The following CES4A variants were observed in gnomAD, a reference collection of about 807,000 sequenced individuals.
CES4A encodes the protein carboxylesterase 6.
CES4A carries 48 observed loss-of-function variants against 65.4 expected under a neutral mutation model. The ratio of observed to expected loss-of-function variants is 0.73; its 90% CI spans 0.58 to 0.93. CES4A has a LOEUF of 0.93. CES4A is among the 40% of genes least tolerant of loss of function. The probability of loss-of-function intolerance (pLI) is 0.00; values close to 1 mark genes in which losing one functional copy is unlikely to be tolerated. For missense variants in CES4A, 685 were observed against 728.5 expected, an observed-to-expected ratio of 0.94 and a Z score of 0.69; for synonymous variants, 247 against 281.8, an observed-to-expected ratio of 0.88 and a Z score of 1.24.
In CES4A at chr16:67,004,074, T is replaced by C; in HGVS notation, c.940-10T>C. The C allele has an allele frequency of 3.1e-6, 5 of 1,613,756 alleles. No individual in the cohort carries two copies. Among genetic ancestry groups the C allele is most frequent in the Non-Finnish European group, 4.2e-6 (5 of 1,179,926 alleles). Reference sequence around the variant, plus strand: ...GAGGAGACTGGCTGGAAATGCCCTTTGCCTTGTAGATTATCTGGTCCATGA... The same window carrying C: ...GAGGAGACTGGCTGGAAATGCCCTTCGCCTTGTAGATTATCTGGTCCATGA... On this transcript the variant is annotated splice_polypyrimidine_tract_variant and intron_variant, in intron 8 of 13. Transcript: ENST00000648724.
At chr16:66,992,887 T>A (rs1487705839) in intron 1 of CES4A, among the ~76,000 whole-genome samples, 1 of 152,110 alleles carries the variant, frequency 6.6e-6, no homozygotes, top group Non-Finnish European at 1.5e-5. Context: ...GGTTTCACCA[T>A]GTTGGCCAGA....
intron 2 of CES4A, among the ~76,000 whole-genome samples, chr16:66,997,955 ACAC>A (rs1964987645): frequency 2.3e-4 from 2 of 8,716 alleles, no homozygotes; most frequent in Admixed American, 1.9e-3. Context: ...TAAAACACAC[ACAC>A]ACACACACAC....
Position 67,000,971 on chromosome 16 carries a change from G to C in CES4A, c.517G>C (p.Gly173Arg), listed in dbSNP as rs1324542177. Residue 173 changes from glycine to arginine, a missense_variant, in exon 4 of 14, where the codon GGC becomes CGC. Coordinates refer to ENST00000648724, the Ensembl canonical transcript of CES4A. The surrounding 1 kb of genome is among the most constrained non-coding windows in gnomAD (Gnocchi z 4.2). ...GCTGGTGTTTCTGCAGCACAGGCTC[G>C]GCATCTTCGGCTTCCTGAGGTGGCG... is the stretch of plus-strand genomic sequence containing the variant. 1.9e-6 allele frequency: 3 copies of C among 1,612,944 alleles called. No homozygotes were observed. The highest frequency in any genetic ancestry group is 1.1e-5 in the South Asian group (1 of 91,018).
At chr16:66,988,928 G>A in intron 1 of CES4A, 98 bp downstream of exon 1, 4 of 1,390,364 alleles carry the variant, frequency 2.9e-6, no homozygotes, top group South Asian at 1.5e-5. Context: ...CAGCAGGGCA[G>A]GAGCACTTAG....
chr16:67,004,321 G>C (rs1418614054), intron 9 of CES4A, 97 bp downstream of exon 9: 6 of 1,370,154 alleles, frequency 4.4e-6, no homozygotes, highest in African/African-American at 1.4e-5. Flanking sequence ...TGGGCACCAG[G>C]TCAGATGCCA....
chr16:66,993,890 A>G (rs1171766356), intron 1 of CES4A, among the ~76,000 whole-genome samples: 1 of 151,698 alleles, frequency 6.6e-6, no homozygotes, highest in Admixed American at 6.6e-5. Flanking sequence ...TCACAAGTTC[A>G]GGAGATCAAG....
chr16:67,005,458 A>G lies in CES4A; in HGVS notation c.1315+65A>G, dbSNP rs756879745. 3.5e-5 allele frequency: 53 copies of G among 1,517,786 alleles called. No homozygotes were observed. The East Asian group carries it at 4.1e-4, about 12-fold the overall frequency. 94.0% of individuals were successfully genotyped at this position (1,517,786 alleles called of 1,614,324 possible). A position where few individuals can be genotyped will look rare whatever the true frequency, so the allele number is the denominator to read the frequency against. On this transcript the variant is annotated intron_variant, in intron 11 of 13. Transcript: ENST00000648724. Reference sequence around the variant, plus strand: ...CACTCTCCAGGTGTGCTGTTTACCAACTGGGCTTATCGACTGCTCCCCTAC... The same window carrying G: ...CACTCTCCAGGTGTGCTGTTTACCAGCTGGGCTTATCGACTGCTCCCCTAC...
At chr16:66,997,472 G>A (rs1436790381) in intron 2 of CES4A, among the ~76,000 whole-genome samples, 2 of 152,130 alleles carry the variant, frequency 1.3e-5, no homozygotes, top group East Asian at 1.9e-4. Context: ...GGGTAGTTAC[G>A]GGGGAGGTGG....
At chr16:67,007,169 A>C (rs976638968) in intron 13 of CES4A, 8 of 258,478 alleles carry the variant, frequency 3.1e-5, no homozygotes, top group Non-Finnish European at 5.2e-5. Context: ...AGGAAATTAC[A>C]ATCTGGTACG....
exon 1 of CES4A, chr16:66,988,652 C>T (rs748519616): frequency 3.6e-5 from 55 of 1,512,608 alleles, no homozygotes; most frequent in Non-Finnish European, 4.2e-5. Context: ...TACTTGCTGG[C>T]AGGGATTAAG....
In CES4A at chr16:67,003,436, A is replaced by T; in HGVS notation, c.900+76A>T. The T allele has an allele frequency of 1.3e-6, 2 of 1,587,030 alleles. No individual in the cohort carries two copies. The highest frequency in any genetic ancestry group is 1.7e-6 in the Non-Finnish European group (2 of 1,155,768). On this transcript the variant is annotated intron_variant, in intron 7 of 13. Transcript: ENST00000648724. This position sits in a 1 kb window ranked among gnomAD's most constrained non-coding sequence, Gnocchi z 4.2. The stretch of plus-strand genomic sequence containing the variant: ...CTATCCTGGTACCCAGCCACCCCCA[A>T]CTACTTCCCCAGGGACCCTGTCTCA...
chr16:67,003,482 C>G lies in CES4A; in HGVS notation c.901-33C>G. ...TCTCAAGAGCACACGAGGGAGACTT[C>G]CTTTAACTCTGATCCCTTCCTCTCC... On this transcript the variant is annotated intron_variant, in intron 7 of 13. Transcript: ENST00000648724. The surrounding 1 kb of genome is among the most constrained non-coding windows in gnomAD (Gnocchi z 4.2). The G allele has an allele frequency of 1.9e-6, 3 of 1,609,234 alleles. No homozygotes were observed. The highest frequency in any genetic ancestry group is 2.6e-6 in the Non-Finnish European group (3 of 1,175,606).
intron 1 of CES4A, among the ~76,000 whole-genome samples, chr16:66,991,182 G>A (rs528178487): frequency 2.6e-5 from 4 of 151,942 alleles, no homozygotes; most frequent in South Asian, 4.2e-4. Flanking sequence ...GCACCACCAC[G>A]CCCAGCTAAT....
downstream of CES4A, among the ~76,000 whole-genome samples, chr16:67,009,998 T>C (rs1349883477): frequency 1.3e-5 from 2 of 151,838 alleles, no homozygotes; most frequent in African/African-American, 4.8e-5. Context: ...TCTAGATTCC[T>C]CTGGCCTCTC....
chr16:67,009,589 T>C (rs1966027494), exon 14 of CES4A: 1 of 160,632 alleles, frequency 6.2e-6, no homozygotes, highest in Admixed American at 5.9e-5. Flanking sequence ...TCTGTTCACA[T>C]TGGCCTGGAG....
At position 67,003,384 on chromosome 16, in the gene CES4A, T is replaced by A; in HGVS notation, c.900+24T>A. ...TGGTAGGTAGAACATTCCAGCTGCC[T>A]GACCTGGCTGCCTGAGGGCCATCCT... is the stretch of plus-strand genomic sequence containing the variant. On this transcript the variant is annotated intron_variant, in intron 7 of 13. Transcript: ENST00000648724. The surrounding 1 kb of genome is among the most constrained non-coding windows in gnomAD (Gnocchi z 4.2). The A allele has an allele frequency of 6.2e-7, 1 of 1,608,408 alleles. No homozygotes were observed. The highest frequency in any genetic ancestry group is 8.5e-7 in the Non-Finnish European group (1 of 1,175,024).
Position 66,995,668 on chromosome 16 carries a change from T to G in CES4A, c.99T>G (p.Tyr33Ter), listed in dbSNP as rs374808886. The G allele has an allele frequency of 6.2e-7, 1 of 1,614,212 alleles. No individual in the cohort carries two copies. Reference sequence around the variant, plus strand: ...AGAGGCCTCAAGTGGTCACCAAATATGGAACCCTGCAAGGAAAACAGATGC... The same window carrying G: ...AGAGGCCTCAAGTGGTCACCAAATAGGGAACCCTGCAAGGAAAACAGATGC... Residue 33 changes from tyrosine (Y) to a stop codon, truncating the protein, a stop_gained, in exon 2 of 14, where the codon TAT becomes TAG. Transcript: ENST00000648724. LOFTEE classifies it high-confidence loss of function.
intron 2 of CES4A, among the ~76,000 whole-genome samples, chr16:66,996,728 T>C (rs1426524828): frequency 5.3e-5 from 8 of 152,124 alleles, no homozygotes; most frequent in Non-Finnish European, 5.9e-5. Context: ...TATAAAAAGA[T>C]ACAAATACCA....
chr16:67,002,959 G>C, intron 5 of CES4A, 111 bp from the exon 6 acceptor site: 1 of 854,952 alleles, frequency 1.2e-6, no homozygotes, highest in Non-Finnish European at 2.0e-6. Flanking sequence ...CCAGCTACTT[G>C]CCCTTCCTGG....
Sources: gnomAD v4.1 joint callset for allele counts (sites outside exome capture counted in the v4.1 genomes callset) on GRCh38, gnomAD v4.1.1 for gene constraint, Gnocchi (gnomAD v3.1) non-coding constraint, MANE v1.5 for transcripts, NCBI Gene and HGNC (gene_info 2026-07-23, HGNC 2026-07-21) for gene names.